The following UNC13B variants were observed in gnomAD, a reference collection of about 807,000 sequenced individuals.
The protein encoded by UNC13B is protein unc-13 homolog B.
A neutral mutation model predicts 211.0 loss-of-function variants in UNC13B; 144 were observed. That is an observed-to-expected ratio of 0.68 (90% CI 0.60 to 0.78). The LOEUF is 0.78. UNC13B is among the 30% of genes least tolerant of loss of function. The probability of loss-of-function intolerance (pLI) is 0.00; values close to 1 mark genes in which losing one functional copy is unlikely to be tolerated. For synonymous variants in UNC13B, 709 were observed against 725.8 expected (o/e 0.98, Z 0.37); for missense variants, 1,777 against 2,002.0 (o/e 0.89, Z 2.14).
intron 6 of UNC13B, among the ~76,000 whole-genome samples, chr9:35,251,062 A>G (rs923083787): frequency 7.0e-6 from 1 of 142,644 alleles, no homozygotes; most frequent in Non-Finnish European, 1.5e-5. Context: ...TCCCGGGTTC[A>G]TGCCATTCTC....
In UNC13B at chr9:35,382,496, T is replaced by C. The variant is rs1215690093; in HGVS notation, c.10795T>C (p.Ser3599Pro). ...NVSASDRFAA[S>P]NFGKERFVKL... Reference sequence around the variant, plus strand: ...CTCTGCATCTGATCGCTTTGCAGCCTCCAACTTTGGGGTAAGTATCATGTA... The same window carrying C: ...CTCTGCATCTGATCGCTTTGCAGCCCCCAACTTTGGGGTAAGTATCATGTA... Residue 3599 changes from serine (S) to proline (P), a missense_variant, in exon 21 of 40, where the codon TCC becomes CCC. Physicochemically the swap from Ser to Pro is moderately conservative, Grantham distance 74. Transcript: ENST00000635942. 2 of 1,612,642 alleles carry C rather than the reference T, an allele frequency of 1.2e-6. No individual in the cohort carries two copies. Among genetic ancestry groups the C allele is most frequent in the Non-Finnish European group, 1.7e-6 (2 of 1,179,664 alleles).
intron 7 of UNC13B, chr9:35,291,009 T>C (rs1829071444): frequency 1.3e-6 from 2 of 1,526,784 alleles, no homozygotes; most frequent in African/African-American, 1.4e-5. Context: ...AAATGACTTT[T>C]GAATTCCTTC....
chr9:35,221,233 T>C (rs2131459154), intron 1 of UNC13B, among the ~76,000 whole-genome samples: 1 of 152,238 alleles, frequency 6.6e-6, no homozygotes, highest in East Asian at 1.9e-4. Context: ...TATACCCAGC[T>C]GATTTTGTGT....
chr9:35,167,857 C>A (rs908822461), intron 1 of UNC13B, among the ~76,000 whole-genome samples: 1 of 151,096 alleles, frequency 6.6e-6, no homozygotes, highest in African/African-American at 2.4e-5. Context: ...CCCTCCTCGG[C>A]CCCCCAGAGT....
chr9:35,370,197 C>T (rs1834026258), intron 12 of UNC13B, 121 bp from the exon 13 acceptor site: 1 of 717,962 alleles, frequency 1.4e-6, no homozygotes, highest in African/African-American at 1.8e-5. Context: ...CCTAAAAGCA[C>T]ATGGTAGAGG....
intron 10 of UNC13B, among the ~76,000 whole-genome samples, chr9:35,313,142 C>T (rs1830265445): frequency 6.6e-6 from 1 of 152,174 alleles, no homozygotes; most frequent in Non-Finnish European, 1.5e-5. Context: ...ACTCAGGGCT[C>T]TCGCCATTGC....
At chr9:35,333,472 T>C (rs1831480280) in intron 11 of UNC13B, among the ~76,000 whole-genome samples, 1 of 152,224 alleles carries the variant, frequency 6.6e-6, no homozygotes, top group East Asian at 1.9e-4. Flanking sequence ...GGTTTAATAA[T>C]ATCATACATG....
chr9:35,326,860 G>A (rs1831047175), intron 11 of UNC13B, among the ~76,000 whole-genome samples: 1 of 152,146 alleles, frequency 6.6e-6, no homozygotes, highest in African/African-American at 2.4e-5. Flanking sequence ...GCTAAGGAGG[G>A]ACTACCGTAA....
intron 1 of UNC13B, among the ~76,000 whole-genome samples, chr9:35,210,958 C>A (rs1211681722): frequency 2.0e-5 from 3 of 152,138 alleles, no homozygotes; most frequent in Non-Finnish European, 2.9e-5. Context: ...GCTGTACTAA[C>A]TCCTGGGCTC....
chr9:35,352,635 AG>A (rs1832787846), intron 11 of UNC13B: 1 of 1,232,126 alleles, frequency 8.1e-7, no homozygotes, highest in Non-Finnish European at 1.0e-6. Context: ...CAGGCCCCTG[AG>A]CAGCAAGGCC....
intron 1 of UNC13B, among the ~76,000 whole-genome samples, chr9:35,168,757 A>AGTG (rs991076287): frequency 3.4e-5 from 5 of 145,298 alleles, no homozygotes; most frequent in Non-Finnish European, 7.4e-5. Context: ...GCTGGGGTGC[A>AGTG]GTGGCATGAT....
intron 24 of UNC13B, among the ~76,000 whole-genome samples, chr9:35,387,113 A>T (rs920051339): frequency 1.3e-5 from 2 of 152,136 alleles, no homozygotes; most frequent in Admixed American, 6.6e-5. Flanking sequence ...TATAACTCTA[A>T]TCAAAAGAGT....
chr9:35,221,622 C>T (rs1554689058), intron 1 of UNC13B, among the ~76,000 whole-genome samples: 1 of 152,114 alleles, frequency 6.6e-6, no homozygotes, highest in Non-Finnish European at 1.5e-5. Context: ...GTTTGATTGT[C>T]ATGGGGTATT....
rs368282614 is a variant in UNC13B at position 35,251,878 on chromosome 9, G to A, written c.469-7115G>A. 7.6e-4 allele frequency among the ~76,000 whole-genome samples: 115 copies of A among 152,156 alleles called. 1 individual carries two copies. In the South Asian group the frequency reaches 0.019, roughly 25 times the overall value. The stretch of plus-strand genomic sequence containing the variant: ...ATTTTATTTTTGTATTTTTTGTAGA[G>A]ATGGTGTTTCACCATTTGCCCAGGC... On this transcript the variant is annotated intron_variant, in intron 6 of 39. Transcript: ENST00000635942.
At position 35,376,110 on chromosome 9, in the gene UNC13B, C is replaced by T. The variant is rs140172954; in HGVS notation, c.9698C>T (p.Thr3233Met). ...ACTCCTCATAACTTTGAGGTCTGGA[C>T]GGCCACTACCCCAACCTACTGCTAT... ...CTTPHNFEVWTATTPTYCYEC... is the reference protein window; with the variant it reads ...CTTPHNFEVWMATTPTYCYEC... Residue 3233 changes from threonine (T) to methionine (M), a missense_variant, in exon 15 of 40, where the codon ACG becomes ATG. By Grantham distance (81) the Thr-to-Met change is moderately conservative. Coordinates refer to ENST00000635942, the MANE Select transcript of UNC13B (RefSeq NM_001371189.2). 64 of 1,614,128 alleles carry T rather than the reference C, an allele frequency of 4.0e-5. No individual in the cohort carries two copies. Among genetic ancestry groups the T allele is most frequent in the Middle Eastern group, 1.6e-4 (1 of 6,084 alleles).
intron 1 of UNC13B, among the ~76,000 whole-genome samples, chr9:35,213,541 T>C (rs7036061): frequency 0.55 from 83,574 of 152,024 alleles, 23,279 homozygotes; most frequent in East Asian, 0.58. Context: ...AAGGCATTCT[T>C]ACCATAAAGG....
chr9:35,183,485 G>T (rs764889459), intron 1 of UNC13B, among the ~76,000 whole-genome samples: 1 of 127,536 alleles, frequency 7.8e-6, no homozygotes, highest in East Asian at 3.9e-4. Context: ...GGGCAGAGGC[G>T]CTCCTCACCT....
At chr9:35,295,252 C>T (rs780011003) in intron 7 of UNC13B, among the ~76,000 whole-genome samples, 21 of 152,228 alleles carry the variant, frequency 1.4e-4, no homozygotes, top group Admixed American at 2.0e-4. Flanking sequence ...ACCAAGACAA[C>T]GTTAAATAAA....
chr9:35,376,890 C>G (rs1387465653), intron 15 of UNC13B, among the ~76,000 whole-genome samples: 1 of 152,190 alleles, frequency 6.6e-6, no homozygotes. Flanking sequence ...TTCATATCTC[C>G]TTGCTCCCCT....
Sources: gnomAD v4.1 joint callset for allele counts (sites outside exome capture counted in the v4.1 genomes callset) on GRCh38, gnomAD v4.1.1 for gene constraint, MANE v1.5 for transcripts, NCBI Gene and HGNC (gene_info 2026-07-23, HGNC 2026-07-21) for gene names.